The following SHTN1 variants were observed in gnomAD, a reference collection of about 807,000 sequenced individuals.
SHTN1 encodes shootin-1.
Under a neutral mutation model 83.1 loss-of-function variants are expected in SHTN1, and 42 were observed. The observed-to-expected ratio is 0.51, with a 90% CI of 0.39 to 0.65. SHTN1 has a LOEUF of 0.65. SHTN1 is among the 30% of genes least tolerant of loss of function. SHTN1 has a pLI of 0.00. For synonymous variants in SHTN1, 224 were observed against 247.7 expected (o/e 0.90, Z 0.90); for missense variants, 622 against 737.8 (o/e 0.84, Z 1.82).
intron 4 of SHTN1, among the ~76,000 whole-genome samples, chr10:116,955,235 A>G (rs181922617): frequency 8.0e-4 from 122 of 152,306 alleles, no homozygotes; most frequent in Non-Finnish European, 1.2e-3. Flanking sequence ...TATGTACAAG[A>G]AAATTTAGGA....
intron 1 of SHTN1, among the ~76,000 whole-genome samples, chr10:117,105,291 G>T (rs1589934485): frequency 6.6e-6 from 1 of 152,246 alleles, no homozygotes. Context: ...GTAAATATTT[G>T]CTCATTGAGA....
chr10:117,021,684 T>C (rs1852266184), intron 2 of SHTN1, among the ~76,000 whole-genome samples: 1 of 152,108 alleles, frequency 6.6e-6, no homozygotes, highest in Admixed American at 6.6e-5. Flanking sequence ...CAGAGAAAAA[T>C]GAAAATATTT....
Position 116,901,807 on chromosome 10 carries a change from G to A in SHTN1, c.1631C>T (p.Pro544Leu). Reference protein sequence around the residue: ...SPPTPEPGEGPRKLEGCTSSK... With the variant: ...SPPTPEPGEGLRKLEGCTSSK... The stretch of plus-strand genomic sequence containing the variant: ...ACTTGTGCATCCTTCCAATTTACGG[G>A]GCCCTTCACCTGGCTCAGGTGTTGG... Residue 544 changes from proline to leucine, a missense_variant, in exon 16 of 17, where the codon CCC (proline) becomes CTC (leucine). Physicochemically the swap from Pro to Leu is moderately conservative, Grantham distance 98. This residue lies in a region of SHTN1 where 231 missense variants were observed against 251.6 expected (regional missense o/e 0.92). Transcript: ENST00000355371. 6.2e-7 allele frequency: 1 copy of A among 1,601,088 alleles called. No homozygotes were observed. The highest frequency in any genetic ancestry group is 8.5e-7 in the Non-Finnish European group (1 of 1,176,398).
intron 1 of SHTN1, among the ~76,000 whole-genome samples, chr10:117,116,967 A>G (rs1423132523): frequency 2.6e-5 from 4 of 152,144 alleles, no homozygotes; most frequent in African/African-American, 9.7e-5. Context: ...ATGAAGAACA[A>G]CTGAAGGCCT....
At chr10:117,007,456 C>G (rs1852037429), upstream of SHTN1, among the ~76,000 whole-genome samples, 2 of 143,282 alleles carry the variant, frequency 1.4e-5, no homozygotes, top group African/African-American at 5.2e-5. Flanking sequence ...CGGCCTCTTG[C>G]AATTAATCCC....
chr10:117,068,959 T>C (rs1005764791), intron 1 of SHTN1, among the ~76,000 whole-genome samples: 1 of 151,566 alleles, frequency 6.6e-6, no homozygotes, highest in African/African-American at 2.4e-5. Flanking sequence ...TAGGAAACAG[T>C]GAGAAATGGA....
Position 116,911,838 on chromosome 10 carries a change from T to C in SHTN1, c.1311A>G (p.Glu437=), listed in dbSNP as rs1311842314. 1 of 1,610,810 alleles carries C rather than the reference T, an allele frequency of 6.2e-7. No homozygotes were observed. The change falls in exon 14 of 17, where the codon GAA becomes GAG. Residue 437 remains glutamate (E), a synonymous_variant. Coordinates refer to ENST00000355371, the MANE Select transcript of SHTN1 (RefSeq NM_001127211.3). ...CTGCACTTTCGCAGCCTTTCGAAGA[T>C]TCTGGCTATAATTTTAATAAGAAAG... ...NQTARPKTKP[E]SSKGCESAVD... is the part of the protein sequence containing the mutation.
chr10:116,956,984 T>C (rs1033843682), intron 4 of SHTN1, among the ~76,000 whole-genome samples: 4 of 152,112 alleles, frequency 2.6e-5, no homozygotes, highest in African/African-American at 9.7e-5. Flanking sequence ...GGTATGATCA[T>C]AGCTCACCAC....
At chr10:117,104,062 C>A (rs1425829857) in intron 1 of SHTN1, among the ~76,000 whole-genome samples, 2 of 152,134 alleles carry the variant, frequency 1.3e-5, no homozygotes, top group Non-Finnish European at 2.9e-5. Flanking sequence ...GAAGCTGAGG[C>A]TCAGTATGGC....
chr10:116,931,929 A>C (rs1174521853), intron 9 of SHTN1, among the ~76,000 whole-genome samples: 1 of 152,236 alleles, frequency 6.6e-6, no homozygotes, highest in East Asian at 1.9e-4. Context: ...AGACTGCTGC[A>C]TCTGCAAGGG....
At chr10:116,950,663 A>C (rs1441435512) in intron 6 of SHTN1, among the ~76,000 whole-genome samples, 6 of 152,162 alleles carry the variant, frequency 3.9e-5, no homozygotes, top group African/African-American at 1.4e-4. Flanking sequence ...CAGCACCTCC[A>C]GATAATCTAT....
intron 10 of SHTN1, among the ~76,000 whole-genome samples, chr10:116,929,248 G>A (rs1405882274): frequency 3.9e-5 from 6 of 152,252 alleles, no homozygotes; most frequent in South Asian, 2.1e-4. Flanking sequence ...ACATATGCCC[G>A]TATAGTAATC....
chr10:117,077,722 T>C (rs1310013768), intron 1 of SHTN1, among the ~76,000 whole-genome samples: 1 of 152,028 alleles, frequency 6.6e-6, no homozygotes, highest in South Asian at 2.1e-4. Context: ...AGTGAGAACA[T>C]GCGGTGTTTG....
rs377745396 is a variant in SHTN1, at chr10:117,065,189, G to A, written c.-188-16679C>T. ...GGGGCAAGGGGAAGGAGAGCATTAG[G>A]ACAAATACCTAAGGCATGTGGGGCT... On this transcript the variant is annotated intron_variant, in intron 1 of 17. Coordinates refer to the SHTN1 transcript ENST00000392901. Among the ~76,000 whole-genome samples, 5 of 152,164 alleles carry A rather than the reference G, an allele frequency of 3.3e-5. No homozygotes were observed. The East Asian group carries it at 7.7e-4, about 24-fold the overall frequency.
chr10:116,942,438 C>T (rs1035945962), intron 8 of SHTN1, among the ~76,000 whole-genome samples: 1 of 152,050 alleles, frequency 6.6e-6, no homozygotes, highest in African/African-American at 2.4e-5. Context: ...GTCTTGAACT[C>T]CTGGCCTCAA....
intron 9 of SHTN1, among the ~76,000 whole-genome samples, chr10:116,932,200 G>C (rs192403291): frequency 2.0e-5 from 3 of 152,122 alleles, no homozygotes; most frequent in Non-Finnish European, 4.4e-5. Context: ...TGATACTCTA[G>C]AGCAGGGTTC....
chr10:117,013,856 A>G (rs1852141956), intron 2 of SHTN1, among the ~76,000 whole-genome samples: 1 of 152,240 alleles, frequency 6.6e-6, no homozygotes, highest in Non-Finnish European at 1.5e-5. Flanking sequence ...ATAACTGGAA[A>G]AAGCCAAGAT....
chr10:117,087,817 T>A (rs2133617772), intron 1 of SHTN1, among the ~76,000 whole-genome samples: 1 of 152,268 alleles, frequency 6.6e-6, no homozygotes, highest in South Asian at 2.1e-4. Flanking sequence ...CAGATTAGCA[T>A]CCTAAATATA....
chr10:117,009,827 C>T (rs554343337), upstream of SHTN1, among the ~76,000 whole-genome samples: 52 of 151,748 alleles, frequency 3.4e-4, no homozygotes, highest in East Asian at 9.1e-3. Context: ...GGCATGAACC[C>T]GGAAGGCGGA....
Sources: allele counts gnomAD v4.1 joint callset (sites outside exome capture counted in the v4.1 genomes callset), GRCh38; gene constraint gnomAD v4.1.1; regional missense constraint gnomAD v4.1.1; transcripts MANE v1.5; gene names NCBI Gene and HGNC (gene_info 2026-07-23, HGNC 2026-07-21).